The following BPIFB3 variants were observed in gnomAD, a reference collection of about 807,000 sequenced individuals.
The protein encoded by BPIFB3 is BPI fold-containing family B member 3.
BPIFB3 carries 49 observed loss-of-function variants against 53.1 expected under a neutral mutation model. That is an observed-to-expected ratio of 0.92 (90% CI 0.73 to 1.17). The LOEUF is 1.17. Among genes scored for constraint, BPIFB3 ranks in the 50% most tolerant of loss-of-function variants. The probability of loss-of-function intolerance (pLI) is 0.00; values close to 1 mark genes in which losing one functional copy is unlikely to be tolerated. For synonymous variants in BPIFB3, 271 were observed against 269.6 expected (o/e 1.01, Z -0.05); for missense variants, 628 against 592.5 (o/e 1.06, Z -0.62).
Position 33,064,439 on chromosome 20 carries a change from C to G in BPIFB3, c.653-18C>G, listed in dbSNP as rs1980580270. ...ACTGGGCTTATAGGGTCGTTCTCGC[C>G]CCCACTTTCCCACGCAGGCCTGGTG... On this transcript the variant is annotated intron_variant, in intron 6 of 14. Transcript: ENST00000375494. 1.2e-6 allele frequency: 2 copies of G among 1,609,220 alleles called. No individual in the cohort carries two copies. The highest frequency in any genetic ancestry group is 1.7e-5 in the Admixed American group (1 of 59,974).
chr20:33,071,471 G>T lies in BPIFB3; in HGVS notation c.1260+176G>T, dbSNP rs148960975. Among the ~76,000 whole-genome samples, 514 of 152,188 alleles carry T rather than the reference G, an allele frequency of 3.4e-3. 3 individuals are homozygous for T. Among genetic ancestry groups the T allele is most frequent in the African/African-American group, 0.012 (485 of 41,500 alleles). On this transcript the variant is annotated intron_variant, in intron 12 of 14. Transcript: ENST00000375494. ...GGCGGGTGTGCGTGAGAGAGAGCAG[G>T]GGGTGTGGGCAGTGGGGAGAGAGAG...
intron 4 of BPIFB3, 56 bp downstream of exon 5, chr20:33,060,087 C>T: frequency 6.3e-7 from 1 of 1,579,286 alleles, no homozygotes; most frequent in Non-Finnish European, 8.6e-7. Flanking sequence ...ATCTCGCACC[C>T]ATCTGGGCAT....
At chr20:33,054,252 G>A (rs984357849), upstream of BPIFB3, among the ~76,000 whole-genome samples, 4 of 151,978 alleles carry the variant, frequency 2.6e-5, no homozygotes, top group Admixed American at 6.6e-5. Context: ...CCTGGCCAGT[G>A]ACATGCTGCT....
chr20:33,056,395 G>A (rs6059058), intron 1 of BPIFB3, 147 bp from the exon 3 acceptor site: 422,301 of 1,078,692 alleles, frequency 0.39, 87,239 homozygotes, highest in East Asian at 0.77. Flanking sequence ...TTATGGCTTA[G>A]TGGGTTCCAC....
intron 8 of BPIFB3, among the ~76,000 whole-genome samples, chr20:33,065,548 G>A (rs538805897): frequency 7.9e-6 from 1 of 126,286 alleles, no homozygotes; most frequent in African/African-American, 2.9e-5. Context: ...AGGAAGGAGA[G>A]AAAGAAAAGA....
rs546208614 is a variant in BPIFB3 at position 33,059,387 on chromosome 20, T to C, written c.291T>C (p.Ile97=). 34 of 1,611,036 alleles carry C rather than the reference T, an allele frequency of 2.1e-5. No homozygotes were observed. The African/African-American group carries it at 4.3e-4, about 20-fold the overall frequency. Reference sequence around the variant, plus strand: ...CTGACTCCCATCCTAGTCTGAAGATTGAGGAGCTCACGCTGCCAAAGGTGT... The same window carrying C: ...CTGACTCCCATCCTAGTCTGAAGATCGAGGAGCTCACGCTGCCAAAGGTGT... The change falls in exon 3 of 15, where the codon ATT becomes ATC. Residue 97 remains isoleucine, a synonymous_variant. Coordinates refer to ENST00000375494, the Ensembl canonical transcript of BPIFB3.
chr20:33,065,198 G>A (rs561722080), intron 8 of BPIFB3, among the ~76,000 whole-genome samples: 1 of 152,296 alleles, frequency 6.6e-6, no homozygotes, highest in East Asian at 1.9e-4. Context: ...GCACTAAAGT[G>A]TGAACCACTA....
chr20:33,059,870 C>A (rs1037424139), intron 3 of BPIFB3, 21 bp from the exon 5 acceptor site: 3 of 1,611,806 alleles, frequency 1.9e-6, no homozygotes, highest in Middle Eastern at 1.7e-4. Flanking sequence ...CTGGCCACAC[C>A]CCCAGTGTCC....
At chr20:33,068,050 G>C (rs1980736469) in intron 9 of BPIFB3, among the ~76,000 whole-genome samples, 1 of 152,200 alleles carries the variant, frequency 6.6e-6, no homozygotes, top group Admixed American at 6.5e-5. Context: ...CCTCATTTAG[G>C]CAGTCAGCGT....
At chr20:33,073,663 T>G, downstream of BPIFB3, 1 of 1,593,478 alleles carries the variant, frequency 6.3e-7, no homozygotes. Flanking sequence ...CTGTCTACTC[T>G]GCCTCAATTT....
At chr20:33,053,960 G>GC (rs1980088815), upstream of BPIFB3, among the ~76,000 whole-genome samples, 2 of 152,318 alleles carry the variant, frequency 1.3e-5, no homozygotes, top group South Asian at 4.1e-4. Flanking sequence ...AGCTGCAGGA[G>GC]CAAGGGTAAG....
At chr20:33,055,246 G>A (rs550122977), upstream of BPIFB3, among the ~76,000 whole-genome samples, 266 of 152,346 alleles carry the variant, frequency 1.7e-3, 1 homozygote, top group African/African-American at 6.2e-3. Flanking sequence ...CAGCTGCACC[G>A]TGCCACCTGC....
intron 2 of BPIFB3, among the ~76,000 whole-genome samples, chr20:33,057,047 C>T (rs886507397): frequency 2.6e-5 from 4 of 152,162 alleles, no homozygotes; most frequent in African/African-American, 7.2e-5. Context: ...CCTTTCTTAT[C>T]CCCACCATAC....
At position 33,056,724 on chromosome 20, in the gene BPIFB3, A is replaced by C. The variant is rs1980226387; in HGVS notation, c.281+26A>C. 3 of 1,531,164 alleles carry C rather than the reference A, an allele frequency of 2.0e-6. No individual in the cohort carries two copies. The East Asian group carries it at 6.9e-5, about 35-fold the overall frequency. 94.8% of individuals were successfully genotyped at this position (1,531,164 alleles called of 1,614,324 possible). A position where few individuals can be genotyped will look rare whatever the true frequency, so the allele number is the denominator to read the frequency against. On this transcript the variant is annotated intron_variant, in intron 2 of 14. Transcript: ENST00000375494. The stretch of plus-strand genomic sequence containing the variant: ...GTGAGTCCCACCTGCTGCATGCCCT[A>C]CAGGAAGACTTGGCTTTGCTTCCAG...
chr20:33,060,403 C>T (rs900907333), intron 4 of BPIFB3, among the ~76,000 whole-genome samples: 1 of 152,140 alleles, frequency 6.6e-6, no homozygotes, highest in South Asian at 2.1e-4. Flanking sequence ...GCTGTGTAAC[C>T]TCAGGGAGAC....
exon 4 of BPIFB3, chr20:33,060,011 C>A: frequency 6.2e-7 from 1 of 1,614,040 alleles, no homozygotes; most frequent in South Asian, 1.1e-5. Context: ...CGCTCCTGGG[C>A]CACATCAGCC....
chr20:33,063,555 A>G (rs1474328810), intron 5 of BPIFB3, 60 bp from the exon 7 acceptor site: 4 of 1,572,596 alleles, frequency 2.5e-6, no homozygotes, highest in Non-Finnish European at 2.6e-6. Context: ...TTTAAAGAAC[A>G]TGCAGCTGTC....
chr20:33,067,747 C>G (rs1483447098), intron 9 of BPIFB3, among the ~76,000 whole-genome samples: 2 of 152,154 alleles, frequency 1.3e-5, no homozygotes, highest in Non-Finnish European at 2.9e-5. Context: ...GCCTGCCCCT[C>G]CAGCATGGGG....
At chr20:33,055,104 C>G (rs1980135456), upstream of BPIFB3, among the ~76,000 whole-genome samples, 3 of 152,222 alleles carry the variant, frequency 2.0e-5, no homozygotes, top group Non-Finnish European at 4.4e-5. Flanking sequence ...GGCTTGAATT[C>G]TGACTGTCTC....
Sources: gnomAD v4.1 joint callset for allele counts (sites outside exome capture counted in the v4.1 genomes callset) on GRCh38, gnomAD v4.1.1 for gene constraint, MANE v1.5 for transcripts, NCBI Gene and HGNC (gene_info 2026-07-23, HGNC 2026-07-21) for gene names.